PIK3R3: variants seen among roughly 807,000 people sequenced by gnomAD.
The protein encoded by PIK3R3 is phosphoinositide-3-kinase regulatory subunit 3, also known as phosphatidylinositol 3-kinase regulatory subunit gamma.
PIK3R3 carries 64 observed loss-of-function variants against 62.9 expected under a neutral mutation model. The ratio of observed to expected loss-of-function variants is 1.02; its 90% CI spans 0.83 to 1.25. The LOEUF is 1.25. Among genes scored for constraint, PIK3R3 ranks in the 50% most tolerant of loss-of-function variants. The pLI, the probability that PIK3R3 is intolerant of heterozygous loss-of-function variation, is 0.00. For missense variants in PIK3R3, 614 were observed against 561.6 expected (o/e 1.09, Z -0.94); for synonymous variants, 165 against 189.0 (o/e 0.87, Z 1.04).
chr1:46,131,555 GAAC>G (rs1346115635), intron 1 of PIK3R3, among the ~76,000 whole-genome samples: 1 of 152,108 alleles, frequency 6.6e-6, no homozygotes, highest in Non-Finnish European at 1.5e-5. Flanking sequence ...AGAAAAACCT[GAAC>G]GACACGCAAA....
At chr1:46,138,408 C>G in the PIK3R3 span, among the ~76,000 whole-genome samples, 14 of 152,190 alleles carry the variant, frequency 9.2e-5, no homozygotes, top group Non-Finnish European at 1.9e-4. Context: ...GCCCATAATC[C>G]TAACACTTTG....
chr1:46,087,061 G>A (rs1651128761), intron 1 of PIK3R3, among the ~76,000 whole-genome samples: 3 of 152,172 alleles, frequency 2.0e-5, no homozygotes, highest in South Asian at 2.1e-4. Context: ...GGTGGGAACT[G>A]AACAATGAGA....
chr1:46,173,810 AAC>A, the PIK3R3 span, among the ~76,000 whole-genome samples: 1 of 152,124 alleles, frequency 6.6e-6, no homozygotes, highest in African/African-American at 2.4e-5. Flanking sequence ...CTCGAGCACA[AAC>A]ACACACTCTC....
intron 6 of PIK3R3, chr1:46,056,697 T>C (rs1242782491): frequency 6.6e-6 from 1 of 152,246 alleles, no homozygotes; most frequent in East Asian, 1.9e-4. Context: ...CCAGCAGCTA[T>C]ACTGTCACTT....
At chr1:46,128,330 G>C (rs1292206199) in intron 1 of PIK3R3, among the ~76,000 whole-genome samples, 3 of 152,098 alleles carry the variant, frequency 2.0e-5, no homozygotes, top group Admixed American at 6.5e-5. Context: ...CCAGCTACTC[G>C]GGAGGCTCAG....
chr1:46,082,862 C>T (rs938484289), intron 1 of PIK3R3, among the ~76,000 whole-genome samples: 1 of 151,806 alleles, frequency 6.6e-6, no homozygotes, highest in African/African-American at 2.4e-5. Context: ...GTCAGGAGTT[C>T]GAGGTCAGGA....
chr1:46,137,130 A>T (rs552330193), upstream of PIK3R3, among the ~76,000 whole-genome samples: 1 of 152,252 alleles, frequency 6.6e-6, no homozygotes, highest in South Asian at 2.1e-4. Context: ...CAGAGTCAGG[A>T]TTAGAGCCCC....
chr1:46,054,397 CAAAAAAAAA>C (rs10649671), intron 7 of PIK3R3, among the ~76,000 whole-genome samples: 1 of 80,048 alleles, frequency 1.2e-5, no homozygotes, highest in African/African-American at 5.0e-5. Flanking sequence ...CTCCGCCTCA[CAAAAAAAAA>C]AAAAAAAAAA....
Position 46,054,397 on chromosome 1 carries a change from C to CAAAAAAA in PIK3R3, c.941+1391_941+1397dup, listed in dbSNP as rs10649671. Among the ~76,000 whole-genome samples the CAAAAAAA allele has an allele frequency of 2.2e-4, 18 of 80,010 alleles. 2 individuals are homozygous for CAAAAAAA. Among genetic ancestry groups the CAAAAAAA allele is most frequent in the South Asian group, 5.0e-4 (1 of 1,994 alleles). 52.5% of individuals were successfully genotyped at this position (80,010 alleles called of 152,430 possible). A position where few individuals can be genotyped will look rare whatever the true frequency, so the allele number is the denominator to read the frequency against. ...GGTGACACAGTGAGACTCCGCCTCA[C>CAAAAAAA]AAAAAAAAAAAAAAAAAAAAAAAAT... On this transcript the variant is annotated intron_variant, in intron 7 of 9. Transcript: ENST00000262741.
the PIK3R3 span, among the ~76,000 whole-genome samples, chr1:46,155,701 A>G: frequency 6.6e-6 from 1 of 152,250 alleles, no homozygotes; most frequent in African/African-American, 2.4e-5. Flanking sequence ...GGCTCAAGCT[A>G]TCTGCCCACC....
rs777668187 is a variant in PIK3R3, at chr1:46,071,759, A to AGAGAGAGAGAGAGAGC, written c.315-4669_315-4668insGCTCTCTCTCTCTCTC. 4.1e-3 allele frequency among the ~76,000 whole-genome samples: 413 copies of AGAGAGAGAGAGAGAGC among 99,732 alleles called. 1 individual carries two copies. Among genetic ancestry groups the AGAGAGAGAGAGAGAGC allele is most frequent in the Middle Eastern group, 0.015 (3 of 204 alleles). 65.4% of individuals were successfully genotyped at this position (99,732 alleles called of 152,430 possible). On this transcript the variant is annotated intron_variant, in intron 3 of 9. Coordinates refer to ENST00000262741, the MANE Select transcript of PIK3R3 (RefSeq NM_003629.4). ...GAGAGAGAGAGAGAGAGAGAGAGAG[A>AGAGAGAGAGAGAGAGC]GCGCGCGCCTGATCACAATTTCCCT... is the stretch of plus-strand genomic sequence containing the variant.
At chr1:46,065,991 C>G in intron 5 of PIK3R3, 63 bp downstream of exon 5, 3 of 1,472,434 alleles carry the variant, frequency 2.0e-6, no homozygotes, top group Non-Finnish European at 2.8e-6. Flanking sequence ...AGTGAATGAT[C>G]GAAAATTTGA....
At chr1:46,062,246 C>T (rs1032146861) in intron 5 of PIK3R3, among the ~76,000 whole-genome samples, 175 bp from the exon 6 acceptor site, 20 of 152,120 alleles carry the variant, frequency 1.3e-4, no homozygotes, top group Non-Finnish European at 2.6e-4. Flanking sequence ...TTATTCAACC[C>T]CTACTCTATT....
intron 1 of PIK3R3, among the ~76,000 whole-genome samples, chr1:46,129,201 T>C (rs1390832274): frequency 2.0e-5 from 3 of 152,068 alleles, no homozygotes; most frequent in Admixed American, 6.6e-5. Flanking sequence ...TAAAAACACA[T>C]ACATATAAGA....
the PIK3R3 span, among the ~76,000 whole-genome samples, chr1:46,158,550 G>A: frequency 1.3e-5 from 2 of 152,208 alleles, no homozygotes; most frequent in Non-Finnish European, 2.9e-5. Context: ...TTTATACAGT[G>A]GCTACTAATG....
At position 46,104,899 on chromosome 1, in the gene PIK3R3, G is replaced by A. The variant is rs1653041959; in HGVS notation, c.107-24149C>T. On this transcript the variant is annotated intron_variant, in intron 1 of 9. Transcript: ENST00000262741. ...GCCAAGATTGCGCCACTGCACTCCA[G>A]CCTGGGTGACAGAGTAAGACTCCAT... 1.6e-5 allele frequency: 8 copies of A among 495,140 alleles called. No individual in the cohort carries two copies. The South Asian group carries it at 1.9e-4, about 12-fold the overall frequency. The allele number at this position is 495,140 out of a possible 1,614,324, so 30.7% of individuals were successfully genotyped here.
chr1:46,122,934 G>A (rs1290450764), intron 1 of PIK3R3, among the ~76,000 whole-genome samples: 1 of 151,968 alleles, frequency 6.6e-6, no homozygotes, highest in Non-Finnish European at 1.5e-5. Flanking sequence ...AGGGAAAAAA[G>A]ATACAAGCTG....
At chr1:46,068,901 T>C (rs998772617) in intron 3 of PIK3R3, among the ~76,000 whole-genome samples, 3 of 152,192 alleles carry the variant, frequency 2.0e-5, no homozygotes, top group Non-Finnish European at 4.4e-5. Flanking sequence ...TAATCTATCT[T>C]GTGGCTTAAA....
chr1:46,092,089 G>A (rs571527937), intron 1 of PIK3R3, among the ~76,000 whole-genome samples: 1 of 151,972 alleles, frequency 6.6e-6, no homozygotes, highest in South Asian at 2.1e-4. Flanking sequence ...CTGATAAAGG[G>A]CACCACTATG....
Sources: gnomAD v4.1 joint callset for allele counts (sites outside exome capture counted in the v4.1 genomes callset) on GRCh38, gnomAD v4.1.1 for gene constraint, MANE v1.5 for transcripts, NCBI Gene and HGNC (gene_info 2026-07-23, HGNC 2026-07-21) for gene names.